The following ATXN1 variants were observed in gnomAD, a reference collection of about 807,000 sequenced individuals.
ATXN1 encodes ataxin-1.
ATXN1 carries 8 observed loss-of-function variants against 56.4 expected under a neutral mutation model. That is an observed-to-expected ratio of 0.14 (90% confidence interval 0.08 to 0.26). ATXN1 has a LOEUF of 0.26. ATXN1 is among the 10% of genes least tolerant of loss of function. ATXN1 has a pLI of 1.00. For synonymous variants in ATXN1, 514 were observed against 494.6 expected (o/e 1.04, Z -0.52); for missense variants, 987 against 1,106.5 (o/e 0.89, Z 1.53).
chr6:16,326,913 G>A lies in ATXN1; in HGVS notation c.1398C>T (p.Ser466=), dbSNP rs144916658. 70 of 1,613,278 alleles carry A rather than the reference G, an allele frequency of 4.3e-5. No homozygotes were observed. The Middle Eastern group carries it at 4.9e-4, about 11-fold the overall frequency. Residue 466 remains serine, a synonymous_variant, in exon 7 of 8, where the codon AGC becomes AGT. Coordinates refer to ENST00000436367, the MANE Select transcript of ATXN1 (RefSeq NM_001128164.2). The surrounding 1 kb of genome is among the most constrained non-coding windows in gnomAD (Gnocchi z 6.6). Reference sequence around the variant, plus strand: ...CGTAGGTGATTGCTTGCTGCTGGCCGCTCAGGTAGCCGATGACAGGGGGTT... The same window carrying A: ...CGTAGGTGATTGCTTGCTGCTGGCCACTCAGGTAGCCGATGACAGGGGGTT... ...GTQPPVIGYL[S]GQQQAITYAG... is the part of the protein sequence containing the mutation.
At chr6:16,514,169 C>T (rs1198847806) in intron 5 of ATXN1, among the ~76,000 whole-genome samples, 1 of 152,158 alleles carries the variant, frequency 6.6e-6, no homozygotes. Flanking sequence ...CAATACATGC[C>T]TCCTCTCGCC....
chr6:16,472,912 A>T (rs1760247814), intron 6 of ATXN1, among the ~76,000 whole-genome samples: 1 of 152,196 alleles, frequency 6.6e-6, no homozygotes, highest in Admixed American at 6.5e-5. Flanking sequence ...CTTTGATTGG[A>T]GAAAAGGTCA....
chr6:16,458,818 A>G (rs1170249768), intron 6 of ATXN1, among the ~76,000 whole-genome samples: 1 of 152,228 alleles, frequency 6.6e-6, no homozygotes, highest in African/African-American at 2.4e-5. Flanking sequence ...GCCCCAGAGG[A>G]CAAAGGTTCT....
chr6:16,536,796 G>T (rs1380458506), intron 4 of ATXN1, among the ~76,000 whole-genome samples: 2 of 152,156 alleles, frequency 1.3e-5, no homozygotes, highest in East Asian at 3.8e-4. Context: ...AGCCATATAG[G>T]ATATGAGCTC....
chr6:16,577,867 T>G (rs898793071), intron 4 of ATXN1, among the ~76,000 whole-genome samples: 1 of 152,232 alleles, frequency 6.6e-6, no homozygotes, highest in African/African-American at 2.4e-5. Flanking sequence ...TTATCTCATT[T>G]GATCATCACA....
At chr6:16,382,771 G>T (rs910457100) in intron 6 of ATXN1, among the ~76,000 whole-genome samples, 4 of 151,730 alleles carry the variant, frequency 2.6e-5, no homozygotes, top group African/African-American at 9.7e-5. Context: ...ACTGGAAGGA[G>T]AAAAATTGTC....
chr6:16,543,683 G>A (rs1479617529), intron 4 of ATXN1, among the ~76,000 whole-genome samples: 1 of 150,390 alleles, frequency 6.6e-6, no homozygotes, highest in Non-Finnish European at 1.5e-5. Context: ...CATGCCTAGG[G>A]CTCAGAGGAA....
intron 6 of ATXN1, among the ~76,000 whole-genome samples, chr6:16,470,117 G>T (rs1760188706): frequency 6.6e-6 from 1 of 152,102 alleles, no homozygotes; most frequent in South Asian, 2.1e-4. Context: ...AGCTAAATGT[G>T]GTCTACACAT....
At chr6:16,742,993 A>C (rs1309302613) in intron 2 of ATXN1, among the ~76,000 whole-genome samples, 1 of 152,232 alleles carries the variant, frequency 6.6e-6, no homozygotes, top group Non-Finnish European at 1.5e-5. Flanking sequence ...CCACGAGAGC[A>C]CTTAAAGGAG....
chr6:16,306,989 A>G lies in ATXN1; in HGVS notation c.1918-130T>C. ...GACACACACAGGCTGAATGGGGGAA[A>G]ATGACTCAGTTTGCAAACCTCCCTC... On this transcript the variant is annotated intron_variant, in intron 7 of 7. Transcript: ENST00000436367. The surrounding 1 kb of genome is among the most constrained non-coding windows in gnomAD (Gnocchi z 5.2). 8.9e-7 allele frequency: 1 copy of G among 1,127,302 alleles called. No individual in the cohort carries two copies. Among genetic ancestry groups the G allele is most frequent in the Non-Finnish European group, 1.2e-6 (1 of 817,096 alleles). 69.8% of individuals were successfully genotyped at this position (1,127,302 alleles called of 1,614,324 possible). A position where few individuals can be genotyped will look rare whatever the true frequency, so the allele number is the denominator to read the frequency against.
intron 6 of ATXN1, among the ~76,000 whole-genome samples, chr6:16,482,405 T>C (rs1048008322): frequency 6.6e-6 from 1 of 152,116 alleles, no homozygotes; most frequent in Non-Finnish European, 1.5e-5. Context: ...ATATATAATA[T>C]GTAAGGTGCT....
rs1760904717 is a variant in ATXN1, at chr6:16,328,578, A to G, written c.-160-108T>C. On this transcript the variant is annotated intron_variant, in intron 6 of 7. Coordinates refer to ENST00000436367, the MANE Select transcript of ATXN1 (RefSeq NM_001128164.2). This position sits in a 1 kb window ranked among gnomAD's most constrained non-coding sequence, Gnocchi z 6.2. ...CACCGGGGAAAGAACATCTTTGGCA[A>G]GATTAAGACTAGGCCCTGGACTCGG... The G allele has an allele frequency of 2.4e-6, 1 of 417,524 alleles. No individual in the cohort carries two copies. The allele number at this position is 417,524 out of a possible 1,614,324, so 25.9% of individuals were successfully genotyped here.
chr6:16,434,367 TC>T (rs1759347393), intron 6 of ATXN1, among the ~76,000 whole-genome samples: 1 of 152,234 alleles, frequency 6.6e-6, no homozygotes, highest in Non-Finnish European at 1.5e-5. Flanking sequence ...GGAGGTGCTA[TC>T]TTTGTCCTCA....
rs562834227 is a variant in ATXN1, at chr6:16,301,593, TA to T, written c.*4735del. 433 of 144,374 alleles carry T rather than the reference TA, an allele frequency of 3.0e-3. No individual in the cohort carries two copies. The highest frequency in any genetic ancestry group is 3.6e-3 in the Middle Eastern group (1 of 280). 8.9% of individuals were successfully genotyped at this position (144,374 alleles called of 1,614,324 possible). ...TGGAAGCAAAGGCCTCCACGCCACTTAAAAAAAAAAAAAGTGTAATTCTCTC... is the reference window on the plus strand; with the variant it reads ...TGGAAGCAAAGGCCTCCACGCCACTTAAAAAAAAAAAAGTGTAATTCTCTC... On this transcript the variant is annotated 3_prime_UTR_variant, in exon 8 of 8. Transcript: ENST00000436367.
chr6:16,350,367 T>A (rs2113458844), intron 6 of ATXN1, among the ~76,000 whole-genome samples: 1 of 152,344 alleles, frequency 6.6e-6, no homozygotes, highest in Middle Eastern at 3.4e-3. Context: ...TTCCTGAACT[T>A]CAGTCTCAGC....
intron 2 of ATXN1, chr6:16,666,983 G>A (rs1758442137): frequency 6.6e-6 from 1 of 152,124 alleles, no homozygotes. Context: ...TATTTAGAAA[G>A]AAAATACGCA....
chr6:16,569,832 T>C (rs1274564457), intron 4 of ATXN1, among the ~76,000 whole-genome samples: 4 of 152,124 alleles, frequency 2.6e-5, no homozygotes, highest in Non-Finnish European at 5.9e-5. Context: ...TATATGCCAA[T>C]TTCACCAACA....
chr6:16,493,552 T>C (rs1386546392), intron 5 of ATXN1, among the ~76,000 whole-genome samples: 1 of 150,630 alleles, frequency 6.6e-6, no homozygotes, highest in Non-Finnish European at 1.5e-5. Context: ...TATCCTACAA[T>C]AGGTGTCATC....
intron 4 of ATXN1, among the ~76,000 whole-genome samples, chr6:16,534,233 T>G (rs2113709383): frequency 6.6e-6 from 1 of 151,990 alleles, no homozygotes; most frequent in South Asian, 2.1e-4. Context: ...AATAACCCAG[T>G]TAACCAAAAA....
Sources: allele counts gnomAD v4.1 joint callset (sites outside exome capture counted in the v4.1 genomes callset), GRCh38; gene constraint gnomAD v4.1.1; non-coding constraint Gnocchi (gnomAD v3.1); transcripts MANE v1.5; gene names NCBI Gene and HGNC (gene_info 2026-07-23, HGNC 2026-07-21).